Variants in CUL2 observed in about 807,000 individuals in gnomAD.
CUL2 encodes the protein cullin 2, also known as cullin-2.
A neutral mutation model predicts 110.2 loss-of-function variants in CUL2; 22 were observed. The observed-to-expected ratio is 0.20, with a 90% CI of 0.14 to 0.28. The LOEUF is 0.28. Ranked by LOEUF, CUL2 falls within the 10% of genes least tolerant of loss-of-function variation. The pLI is 1.00. For synonymous variants in CUL2, 279 were observed against 293.2 expected (o/e 0.95, Z 0.49); for missense variants, 631 against 905.5 (o/e 0.70, Z 3.89).
upstream of CUL2, among the ~76,000 whole-genome samples, chr10:35,094,248 T>C (rs981739485): frequency 6.6e-6 from 1 of 152,162 alleles, no homozygotes; most frequent in Non-Finnish European, 1.5e-5. Flanking sequence ...ATTTTTTTTT[T>C]TTTTGAGATG....
At chr10:35,011,816 C>G in intron 20 of CUL2, 32 bp downstream of exon 20, 3 of 1,196,492 alleles carry the variant, frequency 2.5e-6, no homozygotes, top group Non-Finnish European at 3.7e-6. Context: ...GCCCTCTACC[C>G]TAAGAAGCCC....
intron 16 of CUL2, among the ~76,000 whole-genome samples, chr10:35,027,713 T>C (rs2085371518): frequency 6.6e-6 from 1 of 152,098 alleles, no homozygotes; most frequent in Non-Finnish European, 1.5e-5. Flanking sequence ...TGGATTTCAA[T>C]CCTATGTATC....
intron 18 of CUL2, among the ~76,000 whole-genome samples, chr10:35,015,444 A>T (rs1386146496): frequency 6.6e-6 from 1 of 152,192 alleles, no homozygotes; most frequent in African/African-American, 2.4e-5. Flanking sequence ...AATCCTAGGG[A>T]TGTCAGCAAA....
intron 9 of CUL2, 81 bp downstream of exon 9, chr10:35,038,839 G>C: frequency 1.3e-6 from 1 of 770,328 alleles, no homozygotes; most frequent in South Asian, 2.3e-5. Context: ...ACTAAAATAG[G>C]CATTAAATCA....
At chr10:35,088,531 T>G (rs1589053512) in intron 1 of CUL2, among the ~76,000 whole-genome samples, 1 of 138,646 alleles carries the variant, frequency 7.2e-6, no homozygotes, top group Admixed American at 7.4e-5. Flanking sequence ...AGAAATGTAA[T>G]GTGTCTTGTT....
At chr10:35,113,333 TA>T (rs1406554907) in intron 1 of CUL2, among the ~76,000 whole-genome samples, 2 of 149,622 alleles carry the variant, frequency 1.3e-5, no homozygotes, top group East Asian at 4.0e-4. Context: ...CTGTCTCTAC[TA>T]AAAATACAAA....
intron 1 of CUL2, among the ~76,000 whole-genome samples, chr10:35,105,957 C>T (rs2087450073): frequency 6.6e-6 from 1 of 152,010 alleles, no homozygotes; most frequent in Non-Finnish European, 1.5e-5. Flanking sequence ...GCATATATTT[C>T]CAACAATCAC....
At chr10:35,097,308 G>A (rs764863864) in intron 2 of CUL2, among the ~76,000 whole-genome samples, 7 of 151,924 alleles carry the variant, frequency 4.6e-5, no homozygotes, top group African/African-American at 9.7e-5. Context: ...ATTTTTCCTA[G>A]CTGTACCCTT....
intron 1 of CUL2, among the ~76,000 whole-genome samples, chr10:35,124,643 T>C (rs1264600177): frequency 1.3e-5 from 2 of 152,154 alleles, no homozygotes; most frequent in Non-Finnish European, 2.9e-5. Flanking sequence ...GCCTTCCTTA[T>C]AGGGCTAGCA....
At chr10:35,066,726 G>T (rs906293683) in intron 2 of CUL2, among the ~76,000 whole-genome samples, 1 of 152,226 alleles carries the variant, frequency 6.6e-6, no homozygotes, top group African/African-American at 2.4e-5. Flanking sequence ...GTGAATCAAT[G>T]AGAACAAATA....
intron 1 of CUL2, among the ~76,000 whole-genome samples, chr10:35,123,189 A>G (rs1343633941): frequency 1.3e-5 from 2 of 152,212 alleles, no homozygotes; most frequent in East Asian, 3.8e-4. Flanking sequence ...AAAGGACTTC[A>G]TGCCAAACTT....
chr10:35,093,694 A>C (rs572127183), upstream of CUL2, among the ~76,000 whole-genome samples: 4 of 151,106 alleles, frequency 2.6e-5, no homozygotes, highest in Non-Finnish European at 5.9e-5. Flanking sequence ...AAAGAAAAGA[A>C]GAAGAAATTA....
At chr10:35,058,539 C>T (rs1244512338) in intron 4 of CUL2, among the ~76,000 whole-genome samples, 2 of 152,182 alleles carry the variant, frequency 1.3e-5, no homozygotes, top group East Asian at 3.8e-4. Context: ...CTAGCATCCA[C>T]CTGATAAGTG....
intron 1 of CUL2, among the ~76,000 whole-genome samples, chr10:35,106,297 G>GT (rs1344496209): frequency 9.6e-4 from 141 of 146,940 alleles, no homozygotes; most frequent in African/African-American, 3.5e-3. Context: ...AAATAAATGT[G>GT]TTTTTTGTTT....
intron 1 of CUL2, among the ~76,000 whole-genome samples, chr10:35,087,903 C>G (rs950763824): frequency 6.6e-6 from 1 of 152,132 alleles, no homozygotes; most frequent in Non-Finnish European, 1.5e-5. Flanking sequence ...CATGATCCAG[C>G]CCCTGGCTAG....
At chr10:35,119,914 A>G (rs1053026893) in intron 1 of CUL2, 49 of 152,058 alleles carry the variant, frequency 3.2e-4, no homozygotes, top group African/African-American at 9.9e-4. Flanking sequence ...TCCTCAGACT[A>G]TATTGCTCTC....
At chr10:35,122,505 A>T (rs937570389) in intron 1 of CUL2, among the ~76,000 whole-genome samples, 2 of 152,234 alleles carry the variant, frequency 1.3e-5, no homozygotes, top group African/African-American at 4.8e-5. Context: ...AAGTCATAAA[A>T]TAATAATTAT....
At chr10:35,070,236 A>G (rs770764610) in intron 2 of CUL2, among the ~76,000 whole-genome samples, 2 of 152,158 alleles carry the variant, frequency 1.3e-5, no homozygotes, top group Non-Finnish European at 2.9e-5. Flanking sequence ...AAATGTCATC[A>G]CCCTTTTACA....
rs1326387329 is a variant in CUL2, at chr10:35,071,280, G to A, written c.38C>T (p.Thr13Ile). The A allele has an allele frequency of 6.2e-7, 1 of 1,613,730 alleles. No individual in the cohort carries two copies. The highest frequency in any genetic ancestry group is 8.5e-7 in the Non-Finnish European group (1 of 1,179,642). ...TATTGTCGTCAAAAGTTTGTTCCATGTTTCATCAAAATCTACTACTCTTGG... is the reference window on the plus strand; with the variant it reads ...TATTGTCGTCAAAAGTTTGTTCCATATTTCATCAAAATCTACTACTCTTGG... ...LKPRVVDFDE[T>I]WNKLLTTIKA... The change falls in exon 2 of 21, where the codon ACA becomes ATA. Residue 13 changes from threonine (T) to isoleucine (I), a missense_variant. Thr to Ile is a moderately conservative substitution (Grantham distance 89). Transcript: ENST00000374749.
Sources: allele counts gnomAD v4.1 joint callset (sites outside exome capture counted in the v4.1 genomes callset), GRCh38; gene constraint gnomAD v4.1.1; transcripts MANE v1.5; gene names NCBI Gene and HGNC (gene_info 2026-07-23, HGNC 2026-07-21).